Variants in PDE1A observed in about 807,000 individuals in gnomAD.
The protein encoded by PDE1A is phosphodiesterase 1A, also known as dual specificity calcium/calmodulin-dependent 3',5'-cyclic nucleotide phosphodiesterase 1A.
Under a neutral mutation model 61.7 loss-of-function variants are expected in PDE1A, and 35 were observed. The ratio of observed to expected loss-of-function variants is 0.57; its 90% confidence interval spans 0.43 to 0.75. The LOEUF (loss-of-function observed/expected upper bound fraction) is 0.75, where lower values mean the gene tolerates loss of function less well. Ranked by LOEUF, PDE1A falls within the 30% of genes least tolerant of loss-of-function variation. The pLI is 0.00. For synonymous variants in PDE1A, 232 were observed against 213.2 expected (o/e 1.09, Z -0.77); for missense variants, 597 against 630.6 (o/e 0.95, Z 0.57).
chr2:182,356,721 G>A (rs1699203554), intron 1 of PDE1A, among the ~76,000 whole-genome samples: 1 of 152,130 alleles, frequency 6.6e-6, no homozygotes, highest in African/African-American at 2.4e-5. Flanking sequence ...ACGATAGAGT[G>A]AGACTGCCTC....
At chr2:182,299,974 A>G (rs1010645795) in intron 1 of PDE1A, among the ~76,000 whole-genome samples, 1 of 152,180 alleles carries the variant, frequency 6.6e-6, no homozygotes. Context: ...TATCTCAGAC[A>G]GATAGTGGGA....
At chr2:182,386,453 C>T (rs1377725525) in intron 1 of PDE1A, among the ~76,000 whole-genome samples, 3 of 151,606 alleles carry the variant, frequency 2.0e-5, no homozygotes, top group South Asian at 2.1e-4. Context: ...ACCTCTGCCC[C>T]GGCGCCCTGT....
At chr2:182,520,103 G>C (rs1299167699) in intron 2 of PDE1A, among the ~76,000 whole-genome samples, 1 of 151,842 alleles carries the variant, frequency 6.6e-6, no homozygotes, top group Non-Finnish European at 1.5e-5. Flanking sequence ...AATTCTGTTT[G>C]AATCAATATT....
chr2:182,364,466 T>TAAAAATAAA (rs1699700787), intron 1 of PDE1A, among the ~76,000 whole-genome samples: 1 of 35,840 alleles, frequency 2.8e-5, no homozygotes, highest in Non-Finnish European at 5.1e-5. Flanking sequence ...AACACTTTGG[T>TAAAAATAAA]AAAAAAAAAA....
chr2:182,303,791 C>G (rs1030595972), intron 1 of PDE1A, among the ~76,000 whole-genome samples: 7 of 152,228 alleles, frequency 4.6e-5, no homozygotes, highest in Non-Finnish European at 4.4e-5. Flanking sequence ...ACTACCTCAT[C>G]AATGATCTTA....
chr2:182,281,982 A>G (rs1238449600), intron 1 of PDE1A, among the ~76,000 whole-genome samples: 1 of 151,872 alleles, frequency 6.6e-6, no homozygotes, highest in Non-Finnish European at 1.5e-5. Context: ...GATCACCCAA[A>G]TCATTCACCC....
chr2:182,674,876 A>G, the PDE1A span, among the ~76,000 whole-genome samples: 4 of 152,134 alleles, frequency 2.6e-5, no homozygotes, highest in Non-Finnish European at 5.9e-5. Context: ...AATGTTAATC[A>G]GTTCCCTAGG....
At chr2:182,181,977 CATA>C (rs1227611229) in intron 13 of PDE1A, among the ~76,000 whole-genome samples, 4 of 152,110 alleles carry the variant, frequency 2.6e-5, no homozygotes, top group Non-Finnish European at 4.4e-5. Context: ...TATACTGTTC[CATA>C]ATATGTACAT....
intron 1 of PDE1A, among the ~76,000 whole-genome samples, chr2:182,319,348 A>T (rs567956221): frequency 6.6e-6 from 1 of 152,270 alleles, no homozygotes; most frequent in South Asian, 2.1e-4. Flanking sequence ...AGAGATTTTT[A>T]AATTTTTTTT....
the PDE1A span, among the ~76,000 whole-genome samples, chr2:182,639,985 TAA>T: frequency 6.6e-6 from 1 of 151,468 alleles, no homozygotes; most frequent in African/African-American, 2.4e-5. Flanking sequence ...TAAAGGATGT[TAA>T]AAAAAATGGT....
intron 1 of PDE1A, among the ~76,000 whole-genome samples, chr2:182,388,870 T>C (rs1026728485): frequency 6.6e-6 from 1 of 151,926 alleles, no homozygotes; most frequent in Non-Finnish European, 1.5e-5. Context: ...GTTGATTTCC[T>C]GAAATGATGA....
At chr2:182,548,142 C>CTTAAG in the PDE1A span, among the ~76,000 whole-genome samples, 3 of 152,140 alleles carry the variant, frequency 2.0e-5, no homozygotes, top group African/African-American at 7.2e-5. Context: ...TTATTCTCAT[C>CTTAAG]TTAAGTCAGT....
intron 13 of PDE1A, among the ~76,000 whole-genome samples, chr2:182,183,244 T>A (rs185189787): frequency 1.5e-4 from 23 of 152,302 alleles, no homozygotes; most frequent in African/African-American, 4.1e-4. Flanking sequence ...AAAAAGCAAG[T>A]GTAAAACTGG....
intron 1 of PDE1A, among the ~76,000 whole-genome samples, chr2:182,315,798 G>A (rs979283284): frequency 1.3e-5 from 2 of 152,128 alleles, no homozygotes; most frequent in African/African-American, 2.4e-5. Flanking sequence ...ACAGTTTCAA[G>A]GTCCACTATG....
chr2:182,201,505 G>A (rs1406631105), exon 10 of PDE1A: 1 of 1,613,946 alleles, frequency 6.2e-7, no homozygotes, highest in African/African-American at 1.3e-5. Flanking sequence ...ATTTGGCTGG[G>A]TGGCTGATGT....
chr2:182,309,023 G>C (rs1695786430), intron 1 of PDE1A, among the ~76,000 whole-genome samples: 1 of 126,640 alleles, frequency 7.9e-6, no homozygotes, highest in Non-Finnish European at 1.9e-5. Context: ...CATTAGTCTT[G>C]CTTTAAAAAA....
At chr2:182,604,776 A>T in the PDE1A span, among the ~76,000 whole-genome samples, 2 of 152,174 alleles carry the variant, frequency 1.3e-5, no homozygotes, top group South Asian at 4.2e-4. Context: ...ATTTAACCCA[A>T]GACAGTTTTG....
the PDE1A span, among the ~76,000 whole-genome samples, chr2:182,559,456 A>G: frequency 6.6e-6 from 1 of 152,184 alleles, no homozygotes; most frequent in African/African-American, 2.4e-5. Flanking sequence ...CAGCACAGCT[A>G]AAATTACAAA....
the PDE1A span, among the ~76,000 whole-genome samples, chr2:182,681,791 G>T: frequency 6.6e-6 from 1 of 151,864 alleles, no homozygotes; most frequent in South Asian, 2.1e-4. Context: ...GACTACAGGC[G>T]CCCGCCACCT....
Sources: allele counts gnomAD v4.1 joint callset (sites outside exome capture counted in the v4.1 genomes callset), GRCh38; gene constraint gnomAD v4.1.1; transcripts MANE v1.5; gene names NCBI Gene and HGNC (gene_info 2026-07-23, HGNC 2026-07-21).